Variants in SPTBN1 observed in about 807,000 individuals in gnomAD.
SPTBN1 encodes the protein spectrin beta, non-erythrocytic 1.
Under a neutral mutation model 266.4 loss-of-function variants are expected in SPTBN1, and 32 were observed. That is an observed-to-expected ratio of 0.12 (90% confidence interval 0.09 to 0.16). The LOEUF is 0.16. SPTBN1 is among the 10% of genes least tolerant of loss of function. SPTBN1 has a pLI of 1.00. For synonymous variants in SPTBN1, 1,336 were observed against 1,162.2 expected (o/e 1.15, Z -3.04); for missense variants, 2,296 against 3,067.1 (o/e 0.75, Z 5.94).
At chr2:54,555,421 G>A (rs1672810506) in intron 2 of SPTBN1, among the ~76,000 whole-genome samples, 1 of 152,144 alleles carries the variant, frequency 6.6e-6, no homozygotes, top group Admixed American at 6.5e-5. Flanking sequence ...AGTCTTCTTT[G>A]TCCCTTTCCT....
At chr2:54,493,953 A>G (rs1173143810) in intron 1 of SPTBN1, among the ~76,000 whole-genome samples, 3 of 152,206 alleles carry the variant, frequency 2.0e-5, no homozygotes, top group Non-Finnish European at 4.4e-5. Context: ...CTTTACTTGG[A>G]ACACATGCAA....
At chr2:54,518,346 C>T (rs1670234796) in intron 1 of SPTBN1, among the ~76,000 whole-genome samples, 1 of 151,134 alleles carries the variant, frequency 6.6e-6, no homozygotes, top group Admixed American at 6.6e-5. Flanking sequence ...GGAGAAATGC[C>T]TAAAGTAAAT....
chr2:54,668,530 CAA>C lies in SPTBN1; in HGVS notation c.7058_7059del (p.Lys2353ArgfsTer27). 3 of 1,614,196 alleles carry C rather than the reference CAA, an allele frequency of 1.9e-6. No homozygotes were observed. Among genetic ancestry groups the C allele is most frequent in the Non-Finnish European group, 1.7e-6 (2 of 1,180,026 alleles). On this transcript the variant is annotated frameshift_variant, in exon 36 of 36. Transcript: ENST00000356805. LOFTEE classifies it high-confidence loss of function. ...AGCGGGAAAAGGACAAAGAGAAAGA[CAA>C]AGAGAAGCGGTTCAGCCTTTTTGGC... is the stretch of plus-strand genomic sequence containing the variant. ...GKREKDKEKD[K>X]EKRFSLFGKK...
chr2:54,497,882 A>G (rs1030928174), intron 1 of SPTBN1, among the ~76,000 whole-genome samples: 1 of 152,212 alleles, frequency 6.6e-6, no homozygotes, highest in Admixed American at 6.5e-5. Context: ...ACAGCAGGAC[A>G]GGTGCAAGTG....
intron 1 of SPTBN1, among the ~76,000 whole-genome samples, chr2:54,522,636 G>A (rs111493492): frequency 0.18 from 6,085 of 34,238 alleles, 351 homozygotes; most frequent in African/African-American, 0.29. Flanking sequence ...GTCTCAAAAA[G>A]AAAGAAAGAA....
intron 17 of SPTBN1, among the ~76,000 whole-genome samples, 166 bp downstream of exon 17, chr2:54,632,934 C>T (rs922151150): frequency 8.5e-5 from 13 of 152,180 alleles, no homozygotes; most frequent in African/African-American, 3.1e-4. Flanking sequence ...GTGAGCTGTG[C>T]ATGACTGCCT....
intron 1 of SPTBN1, among the ~76,000 whole-genome samples, chr2:54,481,440 G>GTGTGTGTGTT (rs1386980434): frequency 6.8e-5 from 5 of 73,856 alleles, no homozygotes; most frequent in African/African-American, 3.8e-4. Context: ...GTGTGTGTGT[G>GTGTGTGTGTT]TTTTGTTTTG....
chr2:54,664,351 G>A lies in SPTBN1; in HGVS notation c.6421-102G>A, dbSNP rs1239433472. ...GTTTTACTGTACTGCCTCGATCTGT[G>A]CCAGGCATTTATACACAGCCACATG... On this transcript the variant is annotated intron_variant, in intron 32 of 35. Transcript: ENST00000356805. The surrounding 1 kb of genome is among the most constrained non-coding windows in gnomAD (Gnocchi z 5.6). 3.3e-6 allele frequency: 4 copies of A among 1,206,466 alleles called. No homozygotes were observed. The African/African-American group carries it at 4.5e-5, about 14-fold the overall frequency. The allele number at this position is 1,206,466 out of a possible 1,614,324, so 74.7% of individuals were successfully genotyped here.
At chr2:54,610,411 A>T (rs1302456961) in intron 3 of SPTBN1, among the ~76,000 whole-genome samples, 1 of 152,292 alleles carries the variant, frequency 6.6e-6, no homozygotes, top group Admixed American at 6.5e-5. Flanking sequence ...TAAAAGATGC[A>T]TTTTTAATTA....
chr2:54,558,014 A>G lies in SPTBN1; in HGVS notation c.148+31448A>G, dbSNP rs1413153708. On this transcript the variant is annotated intron_variant, in intron 2 of 35. Coordinates refer to ENST00000356805, the MANE Select transcript of SPTBN1 (RefSeq NM_003128.3). The surrounding 1 kb of genome is among the most constrained non-coding windows in gnomAD (Gnocchi z 4.6). ...AGTGAATGAGCCGCGCGGGCCCGGGACCCTTGGGGCTCTTCACTCTCCAGG... is the reference window on the plus strand; with the variant it reads ...AGTGAATGAGCCGCGCGGGCCCGGGGCCCTTGGGGCTCTTCACTCTCCAGG... The G allele has an allele frequency of 2.4e-5, 24 of 982,494 alleles. No individual in the cohort carries two copies. The Admixed American group carries it at 2.5e-4, about 10-fold the overall frequency. The allele number at this position is 982,494 out of a possible 1,614,324, so 60.9% of individuals were successfully genotyped here.
intron 1 of SPTBN1, among the ~76,000 whole-genome samples, chr2:54,481,417 TGTGTGTGTGTGTGTGTGTGTGTG>T (rs777416246): frequency 0.064 from 9,633 of 151,178 alleles, 554 homozygotes; most frequent in Admixed American, 0.13. Context: ...TGTGTGTGTG[TGTGTGTGTGTGTGTGTGTGTGTG>T]TTTTGTTTTG....
intron 2 of SPTBN1, among the ~76,000 whole-genome samples, chr2:54,581,152 A>G (rs1243413652): frequency 6.6e-6 from 1 of 152,188 alleles, no homozygotes; most frequent in African/African-American, 2.4e-5. Context: ...ATATTTTTAT[A>G]TATAATCTCA....
chr2:54,669,623 C>T lies in SPTBN1; in HGVS notation c.*1054C>T, dbSNP rs1681613593. 1 of 152,672 alleles carries T rather than the reference C, an allele frequency of 6.5e-6. No individual in the cohort carries two copies. The highest frequency in any genetic ancestry group is 1.5e-5 in the Non-Finnish European group (1 of 68,040). The allele number at this position is 152,672 out of a possible 1,614,324, so 9.5% of individuals were successfully genotyped here. ...CAGTCGTACGACCTGTACCTCTCAA[C>T]TTTTGCCCTATCTGTTAAATATATG... On this transcript the variant is annotated 3_prime_UTR_variant, in exon 36 of 36. Transcript: ENST00000356805.
intron 2 of SPTBN1, chr2:54,527,974 A>G (rs1055722074): frequency 1.3e-5 from 2 of 152,372 alleles, no homozygotes; most frequent in African/African-American, 4.8e-5. Context: ...GGGTACAGCT[A>G]ACAATGTACT....
intron 1 of SPTBN1, among the ~76,000 whole-genome samples, chr2:54,506,573 C>T (rs573930608): frequency 2.0e-5 from 3 of 151,164 alleles, no homozygotes; most frequent in Non-Finnish European, 2.9e-5. Context: ...TAATACTCTT[C>T]GAAGCTGAGA....
At chr2:54,575,446 C>T (rs1674393119) in intron 2 of SPTBN1, among the ~76,000 whole-genome samples, 1 of 152,190 alleles carries the variant, frequency 6.6e-6, no homozygotes. Flanking sequence ...AAGAGCGTAA[C>T]ATTGGAGGGA....
At chr2:54,597,759 C>T (rs763293370) in intron 2 of SPTBN1, among the ~76,000 whole-genome samples, 1 of 152,096 alleles carries the variant, frequency 6.6e-6, no homozygotes. Context: ...CCTGAGAACC[C>T]AGTACTCTCA....
chr2:54,595,854 G>A (rs1421254510), intron 2 of SPTBN1, among the ~76,000 whole-genome samples: 3 of 152,198 alleles, frequency 2.0e-5, no homozygotes, highest in Non-Finnish European at 2.9e-5. Context: ...CTAAATGCCA[G>A]TAGCATCTAC....
intron 2 of SPTBN1, among the ~76,000 whole-genome samples, chr2:54,556,106 A>G (rs1254317909): frequency 6.6e-6 from 1 of 152,256 alleles, no homozygotes; most frequent in Non-Finnish European, 1.5e-5. Flanking sequence ...AACAGTAAAC[A>G]CTGAAGAAAT....
Sources: gnomAD v4.1 joint callset for allele counts (sites outside exome capture counted in the v4.1 genomes callset) on GRCh38, gnomAD v4.1.1 for gene constraint, Gnocchi (gnomAD v3.1) non-coding constraint, MANE v1.5 for transcripts, NCBI Gene and HGNC (gene_info 2026-07-23, HGNC 2026-07-21) for gene names.